The following ZNF793 variants were observed in gnomAD, a reference collection of about 807,000 sequenced individuals.
ZNF793 encodes zinc finger protein 793.
A neutral mutation model predicts 12.4 loss-of-function variants in ZNF793; 5 were observed. The ratio of observed to expected loss-of-function variants is 0.40; its 90% CI spans 0.21 to 0.84. The LOEUF is 0.84. Ranked by LOEUF, ZNF793 falls within the 40% of genes least tolerant of loss-of-function variation. The pLI is 0.35. For missense variants in ZNF793, 456 were observed against 495.0 expected, an observed-to-expected ratio of 0.92 and a Z score of 0.75; for synonymous variants, 162 against 172.4, an observed-to-expected ratio of 0.94 and a Z score of 0.47.
At chr19:37,517,636 T>C (rs1345117573) in intron 2 of ZNF793, among the ~76,000 whole-genome samples, 1 of 152,044 alleles carries the variant, frequency 6.6e-6, no homozygotes, top group Non-Finnish European at 1.5e-5. Context: ...AGGCACTACG[T>C]CTTTATGTAG....
At chr19:37,527,041 A>T (rs1250004357) in intron 5 of ZNF793, among the ~76,000 whole-genome samples, 2 of 151,862 alleles carry the variant, frequency 1.3e-5, no homozygotes, top group Non-Finnish European at 2.9e-5. Context: ...TCTGCCTCCC[A>T]GGTTCAAGCA....
Position 37,514,579 on chromosome 19 carries a change from T to C in ZNF793, c.-275-5605T>C, listed in dbSNP as rs199533601. 9.8e-5 allele frequency among the ~76,000 whole-genome samples: 4 copies of C among 40,792 alleles called. No individual in the cohort carries two copies. The African/African-American group carries it at 1.1e-3, about 11-fold the overall frequency. The allele number at this position is 40,792 out of a possible 152,430, so 26.8% of individuals were successfully genotyped here. Reference sequence around the variant, plus strand: ...TCCAGTAGATAGATAGATAGACAGATAGATAGATAGATAGATAGATAGATA... The same window carrying C: ...TCCAGTAGATAGATAGATAGACAGACAGATAGATAGATAGATAGATAGATA... On this transcript the variant is annotated intron_variant, in intron 2 of 7. Transcript: ENST00000627814.
intron 4 of ZNF793, 39 bp from the exon 5 acceptor site, chr19:37,523,371 T>C (rs2042389726): frequency 6.6e-7 from 1 of 1,510,472 alleles, no homozygotes; most frequent in Non-Finnish European, 9.2e-7. Flanking sequence ...TGTTCTCTGT[T>C]CTCTCTTTCT....
chr19:37,510,167 C>T (rs1475440213), intron 2 of ZNF793, among the ~76,000 whole-genome samples: 1 of 151,900 alleles, frequency 6.6e-6, no homozygotes, highest in Non-Finnish European at 1.5e-5. Flanking sequence ...TTGAGACCAG[C>T]CTGCGCAACA....
intron 2 of ZNF793, among the ~76,000 whole-genome samples, chr19:37,510,387 C>T (rs1420135502): frequency 1.3e-5 from 2 of 150,526 alleles, no homozygotes; most frequent in East Asian, 2.0e-4. Flanking sequence ...TGGTGGTGGG[C>T]GCCTGTAATC....
intron 5 of ZNF793, among the ~76,000 whole-genome samples, chr19:37,530,310 A>G (rs1481434181): frequency 2.6e-5 from 4 of 151,626 alleles, no homozygotes; most frequent in Non-Finnish European, 5.9e-5. Flanking sequence ...GCAAAGAGGC[A>G]TTCCTTCCTC....
In ZNF793 at chr19:37,525,000, G is replaced by A. The variant is rs115360273; in HGVS notation, c.15+1546G>A. On this transcript the variant is annotated intron_variant, in intron 5 of 7. Transcript: ENST00000627814. ...CCAAGTGCTAGCTCCCCAATGATAC[G>A]ACAATGTTTTCTATCTGTGTCAAAG... Among the ~76,000 whole-genome samples the A allele has an allele frequency of 4.6e-3, 707 of 152,218 alleles. 7 individuals are homozygous for A. The highest frequency in any genetic ancestry group is 0.016 in the African/African-American group (652 of 41,546).
rs950851310 is a variant in ZNF793, at chr19:37,538,151, G to A, written c.*272G>A. On this transcript the variant is annotated 3_prime_UTR_variant, in exon 8 of 8. Coordinates refer to ENST00000627814, the MANE Select transcript of ZNF793 (RefSeq NM_001013659.3). ...AGGATGGTCTCGATCTCCTGACCTT[G>A]TGATCTGCCCGCCTTGTCCTCCCAA... is the stretch of plus-strand genomic sequence containing the variant. The A allele has an allele frequency of 2.2e-4, 71 of 317,306 alleles. No individual in the cohort carries two copies. The highest frequency in any genetic ancestry group is 3.5e-4 in the Non-Finnish European group (61 of 172,486). The allele number at this position is 317,306 out of a possible 1,614,324, so 19.7% of individuals were successfully genotyped here.
chr19:37,510,515 CAAA>C (rs1158855173), intron 2 of ZNF793, among the ~76,000 whole-genome samples: 1 of 70,822 alleles, frequency 1.4e-5, no homozygotes. Flanking sequence ...AACTCCATCT[CAAA>C]AAAAAAAAAA....
Position 37,538,132 on chromosome 19 carries a change from G to A in ZNF793, c.*253G>A, listed in dbSNP as rs926027367. 3.6e-5 allele frequency: 13 copies of A among 359,946 alleles called. No homozygotes were observed. Among genetic ancestry groups the A allele is most frequent in the African/African-American group, 6.3e-5 (3 of 47,794 alleles). The allele number at this position is 359,946 out of a possible 1,614,324, so 22.3% of individuals were successfully genotyped here. A position where few individuals can be genotyped will look rare whatever the true frequency, so the allele number is the denominator to read the frequency against. Reference sequence around the variant, plus strand: ...GGGTTTCACCGTGTTAGCCAGGATGGTCTCGATCTCCTGACCTTGTGATCT... The same window carrying A: ...GGGTTTCACCGTGTTAGCCAGGATGATCTCGATCTCCTGACCTTGTGATCT... On this transcript the variant is annotated 3_prime_UTR_variant, in exon 8 of 8. Transcript: ENST00000627814.
chr19:37,512,375 G>A (rs1003041395), intron 2 of ZNF793, among the ~76,000 whole-genome samples: 4 of 151,712 alleles, frequency 2.6e-5, no homozygotes, highest in Non-Finnish European at 4.4e-5. Context: ...ATTAGCCAGG[G>A]GTGGTGGTGC....
chr19:37,516,610 C>T (rs766688698), intron 2 of ZNF793, among the ~76,000 whole-genome samples: 1 of 152,006 alleles, frequency 6.6e-6, no homozygotes, highest in Non-Finnish European at 1.5e-5. Context: ...AGAAGAGTGC[C>T]GGACTGCAGG....
At chr19:37,506,676 A>G (rs2042251509), upstream of ZNF793, 1 of 152,228 alleles carries the variant, frequency 6.6e-6, no homozygotes, top group Non-Finnish European at 1.5e-5. Flanking sequence ...CTGAGTTAAG[A>G]GCAGAGACGA....
chr19:37,518,554 G>A (rs1457655800), intron 2 of ZNF793, among the ~76,000 whole-genome samples: 1 of 150,654 alleles, frequency 6.6e-6, no homozygotes, highest in African/African-American at 2.4e-5. Flanking sequence ...AGCACTTTGG[G>A]AGGCCAGGGT....
rs183843667 is a variant in ZNF793, at chr19:37,538,106, G to A, written c.*227G>A. ...TTTTTTTTGTATTTTTAGTAGAGAC[G>A]GGGTTTCACCGTGTTAGCCAGGATG... On this transcript the variant is annotated 3_prime_UTR_variant, in exon 8 of 8. Coordinates refer to ENST00000627814, the MANE Select transcript of ZNF793 (RefSeq NM_001013659.3). 3.7e-4 allele frequency: 165 copies of A among 440,208 alleles called. No individual in the cohort carries two copies. The highest frequency in any genetic ancestry group is 1.3e-3 in the South Asian group (47 of 36,482). The allele number at this position is 440,208 out of a possible 1,614,324, so 27.3% of individuals were successfully genotyped here. A position where few individuals can be genotyped will look rare whatever the true frequency, so the allele number is the denominator to read the frequency against.
intron 2 of ZNF793, among the ~76,000 whole-genome samples, chr19:37,518,848 TACTTTTG>T (rs146244718): frequency 0.082 from 12,500 of 152,108 alleles, 777 homozygotes; most frequent in African/African-American, 0.18. Flanking sequence ...CCAGTTGTTT[TACTTTTG>T]TAAGCAAAGG....
chr19:37,530,128 C>T (rs1305934786), intron 5 of ZNF793, among the ~76,000 whole-genome samples: 1 of 152,154 alleles, frequency 6.6e-6, no homozygotes, highest in Non-Finnish European at 1.5e-5. Context: ...TATGCATACA[C>T]ATAAACATCT....
intron 5 of ZNF793, among the ~76,000 whole-genome samples, chr19:37,526,279 A>AT (rs1052008464): frequency 6.6e-6 from 1 of 152,028 alleles, no homozygotes; most frequent in Non-Finnish European, 1.5e-5. Context: ...TGCCCAGCTA[A>AT]TTTTTTTATT....
chr19:37,522,208 A>AT (rs953810740), intron 3 of ZNF793, among the ~76,000 whole-genome samples: 1 of 151,876 alleles, frequency 6.6e-6, no homozygotes, highest in Non-Finnish European at 1.5e-5. Context: ...GCTTTTTCTT[A>AT]TTTTTTGAGA....
Sources: gnomAD v4.1 joint callset for allele counts (sites outside exome capture counted in the v4.1 genomes callset) on GRCh38, gnomAD v4.1.1 for gene constraint, MANE v1.5 for transcripts, NCBI Gene and HGNC (gene_info 2026-07-23, HGNC 2026-07-21) for gene names.